Variants in ATP10D observed in about 807,000 individuals in gnomAD.
ATP10D encodes phospholipid-transporting ATPase VD.
A neutral mutation model predicts 144.8 loss-of-function variants in ATP10D; 89 were observed. The ratio of observed to expected loss-of-function variants is 0.61; its 90% CI spans 0.52 to 0.73. The LOEUF (loss-of-function observed/expected upper bound fraction) is 0.73. Ranked by LOEUF, ATP10D falls within the 30% of genes least tolerant of loss-of-function variation. ATP10D has a pLI of 0.00. For missense variants in ATP10D, 1,603 were observed against 1,714.8 expected, an observed-to-expected ratio of 0.93 and a Z score of 1.15; for synonymous variants, 571 against 615.1, an observed-to-expected ratio of 0.93 and a Z score of 1.06.
chr4:47,497,595 C>T (rs946740139), intron 1 of ATP10D, among the ~76,000 whole-genome samples: 2 of 152,130 alleles, frequency 1.3e-5, no homozygotes, highest in African/African-American at 4.8e-5. Context: ...TCTTAGCTTA[C>T]TTTATAGTTG....
chr4:47,512,220 A>G (rs939494912), intron 1 of ATP10D, among the ~76,000 whole-genome samples: 1 of 152,226 alleles, frequency 6.6e-6, no homozygotes, highest in Non-Finnish European at 1.5e-5. Flanking sequence ...CAGAGAAGTT[A>G]AGAGACTTGC....
intron 9 of ATP10D, among the ~76,000 whole-genome samples, chr4:47,540,106 A>T (rs1479095020): frequency 6.6e-6 from 1 of 152,100 alleles, no homozygotes; most frequent in Non-Finnish European, 1.5e-5. Flanking sequence ...ACATGTGTAT[A>T]CACACACACA....
intron 9 of ATP10D, among the ~76,000 whole-genome samples, chr4:47,543,042 A>G (rs533602517): frequency 6.6e-6 from 1 of 152,304 alleles, no homozygotes; most frequent in East Asian, 1.9e-4. Flanking sequence ...TTTACTTTCC[A>G]CAGTTTCAAT....
intron 14 of ATP10D, among the ~76,000 whole-genome samples, chr4:47,562,144 G>A (rs1207866915): frequency 2.6e-5 from 4 of 152,064 alleles, no homozygotes; most frequent in African/African-American, 9.7e-5. Flanking sequence ...TCCTAATTTA[G>A]GTGAACATTT....
At chr4:47,567,049 G>T (rs1348690185) in intron 15 of ATP10D, among the ~76,000 whole-genome samples, 2 of 119,918 alleles carry the variant, frequency 1.7e-5, no homozygotes, top group African/African-American at 3.1e-5. Context: ...ATGAAAAGAA[G>T]ACTTTGCTAC....
At chr4:47,568,338 AAAG>A (rs1184614820) in intron 15 of ATP10D, among the ~76,000 whole-genome samples, 3 of 152,270 alleles carry the variant, frequency 2.0e-5, no homozygotes, top group Non-Finnish European at 4.4e-5. Flanking sequence ...GTTGAATCAA[AAAG>A]AAGATAAAAG....
intron 14 of ATP10D, among the ~76,000 whole-genome samples, chr4:47,562,127 G>A (rs1460895874): frequency 1.3e-5 from 2 of 152,136 alleles, no homozygotes; most frequent in Admixed American, 6.5e-5. Context: ...ACTATTTATA[G>A]TTATTATCCT....
intron 3 of ATP10D, among the ~76,000 whole-genome samples, chr4:47,519,135 A>T (rs1004893050): frequency 2.0e-5 from 3 of 152,226 alleles, no homozygotes; most frequent in African/African-American, 7.2e-5. Flanking sequence ...AATACCAAAA[A>T]GAATAATTAA....
intron 1 of ATP10D, among the ~76,000 whole-genome samples, chr4:47,496,191 C>G (rs1169567286): frequency 7.7e-6 from 1 of 129,658 alleles, no homozygotes; most frequent in Non-Finnish European, 1.6e-5. Context: ...GAGTTTCACT[C>G]TTGTGGCCCA....
intron 1 of ATP10D, among the ~76,000 whole-genome samples, chr4:47,499,200 G>A (rs28368401): frequency 0.027 from 4,176 of 152,200 alleles, 198 homozygotes; most frequent in African/African-American, 0.095. Flanking sequence ...TGCCTGATCC[G>A]TTTACTAGAC....
At position 47,572,148 on chromosome 4, in the gene ATP10D, A is replaced by G. The variant is rs772212358; in HGVS notation, c.3164-6A>G. On this transcript the variant is annotated splice_polypyrimidine_tract_variant and splice_region_variant and intron_variant, in intron 16 of 22. Transcript: ENST00000273859. ...TGTTTCTCTCCTTTTTTTCTGCCTCATGAAGGTGATGGTGCCAATGATGTT... is the reference window on the plus strand; with the variant it reads ...TGTTTCTCTCCTTTTTTTCTGCCTCGTGAAGGTGATGGTGCCAATGATGTT... 1.2e-6 allele frequency: 2 copies of G among 1,613,546 alleles called. No individual in the cohort carries two copies. The highest frequency in any genetic ancestry group is 1.1e-5 in the South Asian group (1 of 91,034).
rs1426295499 is a variant in ATP10D at position 47,562,104 on chromosome 4, G to A, written c.2668+1029G>A. On this transcript the variant is annotated intron_variant, in intron 14 of 22. Coordinates refer to ENST00000273859, the MANE Select transcript of ATP10D (RefSeq NM_020453.4). ...CTCATTTGGCAGAAAAATCATACCT[G>A]ATTTGATATAAGACTATTTATAGTT... is the stretch of plus-strand genomic sequence containing the variant. 4.6e-5 allele frequency among the ~76,000 whole-genome samples: 7 copies of A among 152,128 alleles called. No individual in the cohort carries two copies. In the South Asian group the frequency reaches 6.2e-4, roughly 14 times the overall value.
At chr4:47,493,383 A>G (rs375235311) in intron 1 of ATP10D, among the ~76,000 whole-genome samples, 22 of 152,356 alleles carry the variant, frequency 1.4e-4, no homozygotes, top group African/African-American at 4.1e-4. Flanking sequence ...CAATTCCCAT[A>G]CAACCATTCT....
At chr4:47,497,429 T>G (rs1476620511) in intron 1 of ATP10D, among the ~76,000 whole-genome samples, 1 of 152,008 alleles carries the variant, frequency 6.6e-6, no homozygotes, top group Non-Finnish European at 1.5e-5. Flanking sequence ...CACTCCAGCC[T>G]GGACAACAAG....
At chr4:47,495,158 A>T (rs182467638) in intron 1 of ATP10D, among the ~76,000 whole-genome samples, 2 of 152,220 alleles carry the variant, frequency 1.3e-5, no homozygotes, top group South Asian at 4.1e-4. Flanking sequence ...TTGAACTTAC[A>T]TGTCAAGAAA....
At chr4:47,530,502 G>A (rs996797207) in intron 5 of ATP10D, among the ~76,000 whole-genome samples, 1 of 152,096 alleles carries the variant, frequency 6.6e-6, no homozygotes, top group Non-Finnish European at 1.5e-5. Flanking sequence ...TATTTCCCAG[G>A]CTAGAGCAGA....
Position 47,572,860 on chromosome 4 carries a change from T to A in ATP10D, c.3241-12T>A. On this transcript the variant is annotated splice_polypyrimidine_tract_variant and intron_variant, in intron 17 of 22. Coordinates refer to ENST00000273859, the MANE Select transcript of ATP10D (RefSeq NM_020453.4). ...CACTCAGGATGGCATTCTCTCCCCATTGCATCTGCAGGCTGTGATGGCCAG... is the reference window on the plus strand; with the variant it reads ...CACTCAGGATGGCATTCTCTCCCCAATGCATCTGCAGGCTGTGATGGCCAG... 6.2e-7 allele frequency: 1 copy of A among 1,614,086 alleles called. No homozygotes were observed. The highest frequency in any genetic ancestry group is 1.1e-5 in the South Asian group (1 of 91,062).
rs764782844 is a variant in ATP10D at position 47,568,951 on chromosome 4, G to C, written c.2968G>C (p.Asp990His). 19 of 1,614,054 alleles carry C rather than the reference G, an allele frequency of 1.2e-5. No homozygotes were observed. Among genetic ancestry groups the C allele is most frequent in the Middle Eastern group, 1.6e-4 (1 of 6,084 alleles). Residue 990 changes from aspartate to histidine, a missense_variant, in exon 16 of 23, where the codon GAC becomes CAC. Asp to His is a moderately conservative substitution (Grantham distance 81). Coordinates refer to ENST00000273859, the MANE Select transcript of ATP10D (RefSeq NM_020453.4). ...EDLLQPPVPR[D>H]SGLRAGLIIT... ...TTTACTTCAGCCTCCTGTCCCCCGGGACTCAGGGTTACGAGCTGGACTCAT... is the reference window on the plus strand; with the variant it reads ...TTTACTTCAGCCTCCTGTCCCCCGGCACTCAGGGTTACGAGCTGGACTCAT...
At chr4:47,566,894 T>C (rs1719666290) in intron 15 of ATP10D, among the ~76,000 whole-genome samples, 1 of 152,204 alleles carries the variant, frequency 6.6e-6, no homozygotes, top group Non-Finnish European at 1.5e-5. Flanking sequence ...ACAAAGCTTA[T>C]CTAACATGGG....
Sources: gnomAD v4.1 joint callset for allele counts (sites outside exome capture counted in the v4.1 genomes callset) on GRCh38, gnomAD v4.1.1 for gene constraint, MANE v1.5 for transcripts, NCBI Gene and HGNC (gene_info 2026-07-23, HGNC 2026-07-21) for gene names.